MYOF: variants seen among roughly 807,000 people sequenced by gnomAD.
The protein encoded by MYOF is fer-1-like 3, myoferlin.
Under a neutral mutation model 284.2 loss-of-function variants are expected in MYOF, and 244 were observed. That is an observed-to-expected ratio of 0.86 (90% CI 0.77 to 0.95). The LOEUF is 0.95. Ranked by LOEUF, MYOF falls within the 40% of genes least tolerant of loss-of-function variation. The pLI, the probability that MYOF is intolerant of heterozygous loss-of-function variation, is 0.00. For synonymous variants in MYOF, 904 were observed against 919.7 expected (o/e 0.98, Z 0.31); for missense variants, 2,496 against 2,560.6 (o/e 0.97, Z 0.54).
intron 1 of MYOF, among the ~76,000 whole-genome samples, chr10:93,465,716 T>C (rs2056994685): frequency 6.6e-6 from 1 of 152,100 alleles, no homozygotes; most frequent in African/African-American, 2.4e-5. Flanking sequence ...GGTTTTACCA[T>C]GTTGGCCAGG....
At chr10:93,380,298 G>A (rs1056098304) in intron 20 of MYOF, among the ~76,000 whole-genome samples, 2 of 152,186 alleles carry the variant, frequency 1.3e-5, no homozygotes, top group Non-Finnish European at 2.9e-5. Flanking sequence ...AGAAAATACA[G>A]ATGACATAGG....
rs770064190 is a variant in MYOF, at chr10:93,351,769, C to T, written c.3559G>A (p.Asp1187Asn). 1.2e-6 allele frequency: 2 copies of T among 1,602,494 alleles called. No individual in the cohort carries two copies. The highest frequency in any genetic ancestry group is 3.6e-5 in the Admixed American group (2 of 56,130). ...ACTTCATCGAATATAATTGTTTGGT[C>T]CCACGTGGGATTCAGGGTTGAATGG... The part of the protein sequence containing the change: ...IIHSTLNPTW[D>N]QTIIFDEVEI... Residue 1187 changes from aspartate (D) to asparagine (N), a missense_variant, in exon 33 of 54, where the codon GAC becomes AAC. By Grantham distance (23) the Asp-to-Asn change is conservative (BLOSUM62 1). Coordinates refer to ENST00000359263, the MANE Select transcript of MYOF (RefSeq NM_013451.4).
At chr10:93,449,438 G>C (rs552516363) in intron 3 of MYOF, among the ~76,000 whole-genome samples, 6 of 152,164 alleles carry the variant, frequency 3.9e-5, no homozygotes, top group Non-Finnish European at 8.8e-5. Context: ...GGAGGGCCTA[G>C]TCTTAGTAAC....
At position 93,379,912 on chromosome 10, in the gene MYOF, C is replaced by G; in HGVS notation, c.1952G>C (p.Ser651Thr). The G allele has an allele frequency of 6.2e-7, 1 of 1,614,134 alleles. No individual in the cohort carries two copies. Among genetic ancestry groups the G allele is most frequent in the Non-Finnish European group, 8.5e-7 (1 of 1,179,994 alleles). Residue 651 changes from serine (S) to threonine (T), a missense_variant, in exon 21 of 54, where the codon AGT becomes ACT. Transcript: ENST00000359263. ...VTLTSYWEDI[S>T]HRLDAVNTLL... ...AGTGTTCACCGCATCCAGGCGATGA[C>G]TAATATCCTCCCAGTATGAAGTCAG...
At chr10:93,386,630 C>T (rs1846378436) in intron 19 of MYOF, among the ~76,000 whole-genome samples, 1 of 152,182 alleles carries the variant, frequency 6.6e-6, no homozygotes, top group Non-Finnish European at 1.5e-5. Flanking sequence ...AGCTCAAGCA[C>T]TGGACCACAG....
intron 16 of MYOF, 127 bp from the exon 17 acceptor site, chr10:93,393,082 G>A: frequency 1.3e-6 from 1 of 792,152 alleles, no homozygotes; most frequent in Non-Finnish European, 2.2e-6. Context: ...CCCAAATTCA[G>A]ACCCAAGTCA....
At chr10:93,340,308 G>T in intron 38 of MYOF, 144 bp from the exon 39 acceptor site, 1 of 763,442 alleles carries the variant, frequency 1.3e-6, no homozygotes, top group Non-Finnish European at 2.1e-6. Context: ...CATTTCAATG[G>T]GCTAAATTAT....
chr10:93,308,383 G>A (rs12242463), intron 53 of MYOF, among the ~76,000 whole-genome samples: 9,568 of 151,630 alleles, frequency 0.063, 970 homozygotes, highest in African/African-American at 0.21. Context: ...TCAGGAGTTC[G>A]AGACCAGCCT....
Position 93,359,959 on chromosome 10 carries a change from G to C in MYOF, c.2994C>G (p.Thr998=), listed in dbSNP as rs1264383703. 7 of 1,614,074 alleles carry C rather than the reference G, an allele frequency of 4.3e-6. No individual in the cohort carries two copies. The highest frequency in any genetic ancestry group is 5.9e-6 in the Non-Finnish European group (7 of 1,180,040). Residue 998 remains threonine, a synonymous_variant, in exon 29 of 54, where the codon ACC becomes ACG. Transcript: ENST00000359263. Reference sequence around the variant, plus strand: ...ATTTGGGCTTATGATCAGGAGGAATGGTGATTCCATATTCCCAGCCTGGAA... The same window carrying C: ...ATTTGGGCTTATGATCAGGAGGAATCGTGATTCCATATTCCCAGCCTGGAA... ...VDEKGWEYGI[T]IPPDHKPKSW...
At chr10:93,467,542 C>G (rs1174454362) in intron 1 of MYOF, among the ~76,000 whole-genome samples, 3 of 152,038 alleles carry the variant, frequency 2.0e-5, no homozygotes, top group Non-Finnish European at 4.4e-5. Flanking sequence ...TAAACTAGTT[C>G]AACCATTGTG....
chr10:93,380,988 G>A (rs1283799185), intron 20 of MYOF, among the ~76,000 whole-genome samples: 1 of 152,226 alleles, frequency 6.6e-6, no homozygotes, highest in Non-Finnish European at 1.5e-5. Context: ...TGGGTGGGGA[G>A]AGGGTAGCAT....
intron 3 of MYOF, among the ~76,000 whole-genome samples, chr10:93,438,610 G>T (rs2056145101): frequency 6.6e-6 from 1 of 152,076 alleles, no homozygotes; most frequent in Non-Finnish European, 1.5e-5. Context: ...TTAATACCCA[G>T]GAAGTCCGAG....
intron 39 of MYOF, among the ~76,000 whole-genome samples, chr10:93,338,117 G>A (rs925272783): frequency 6.6e-6 from 1 of 151,272 alleles, no homozygotes; most frequent in African/African-American, 2.4e-5. Flanking sequence ...TGGCCATTCT[G>A]GGCCGATGAA....
At chr10:93,443,542 C>T (rs2056340025) in intron 3 of MYOF, among the ~76,000 whole-genome samples, 1 of 151,246 alleles carries the variant, frequency 6.6e-6, no homozygotes, top group East Asian at 1.9e-4. Flanking sequence ...ACCTTGGCAT[C>T]TTTAGACTAA....
At chr10:93,405,593 G>GT (rs1335644789) in intron 7 of MYOF, among the ~76,000 whole-genome samples, 1 of 151,832 alleles carries the variant, frequency 6.6e-6, no homozygotes, top group East Asian at 1.9e-4. Flanking sequence ...CATGCCCGTT[G>GT]TTTTGTAGAA....
At chr10:93,394,444 TTGTC>T (rs1448761749) in intron 16 of MYOF, among the ~76,000 whole-genome samples, 5 of 128,498 alleles carry the variant, frequency 3.9e-5, no homozygotes, top group Non-Finnish European at 8.1e-5. Flanking sequence ...GGTCACCATC[TTGTC>T]TTTTTTTTTT....
At chr10:93,337,982 AT>A in intron 39 of MYOF, 69 bp from the exon 40 acceptor site, 1 of 1,133,800 alleles carries the variant, frequency 8.8e-7, no homozygotes, top group South Asian at 1.3e-5. Flanking sequence ...AGGAAAATGC[AT>A]TTGTAATAGT....
At chr10:93,434,863 C>T (rs1564716238) in intron 3 of MYOF, among the ~76,000 whole-genome samples, 1 of 152,020 alleles carries the variant, frequency 6.6e-6, no homozygotes, top group Non-Finnish European at 1.5e-5. Context: ...TGAAGACACC[C>T]ATTACTCCAT....
chr10:93,310,749 C>T, intron 51 of MYOF, 106 bp from the exon 52 acceptor site: 3 of 1,071,424 alleles, frequency 2.8e-6, no homozygotes, highest in Non-Finnish European at 4.1e-6. Flanking sequence ...TCTTGTAAAA[C>T]AATCCTTAGA....
Sources: gnomAD v4.1 joint callset for allele counts (sites outside exome capture counted in the v4.1 genomes callset) on GRCh38, gnomAD v4.1.1 for gene constraint, MANE v1.5 for transcripts, NCBI Gene and HGNC (gene_info 2026-07-23, HGNC 2026-07-21) for gene names.